Variants in HMMR observed in about 807,000 individuals in gnomAD.
HMMR encodes the protein intracellular hyaluronic acid-binding protein.
A neutral mutation model predicts 101.0 loss-of-function variants in HMMR; 108 were observed. The ratio of observed to expected loss-of-function variants is 1.07; its 90% CI spans 0.92 to 1.25. The LOEUF (loss-of-function observed/expected upper bound fraction) is 1.25. Among genes scored for constraint, HMMR ranks in the 50% most tolerant of loss-of-function variants. The probability of loss-of-function intolerance (pLI) is 0.00; values close to 1 mark genes in which losing one functional copy is unlikely to be tolerated. For missense variants in HMMR, 813 were observed against 788.7 expected (o/e 1.03, Z -0.37); for synonymous variants, 296 against 276.4 (o/e 1.07, Z -0.70).
At chr5:163,478,497 G>C (rs1759142350) in intron 11 of HMMR, among the ~76,000 whole-genome samples, 187 bp from the exon 12 acceptor site, 1 of 152,164 alleles carries the variant, frequency 6.6e-6, no homozygotes, top group African/African-American at 2.4e-5. Context: ...GTTGAAGCTA[G>C]TAGAAAAATG....
rs1318429737 is a variant in HMMR, at chr5:163,474,090, A to G, written c.938A>G (p.Glu313Gly). 1.2e-6 allele frequency: 2 copies of G among 1,611,750 alleles called. No individual in the cohort carries two copies. Among genetic ancestry groups the G allele is most frequent in the African/African-American group, 1.3e-5 (1 of 74,976 alleles). Residue 313 changes from glutamate to glycine, a missense_variant, in exon 10 of 18, where the codon GAA becomes GGA. Physicochemically the swap from Glu to Gly is moderately conservative, Grantham distance 98. Transcript: ENST00000393915. ...DHVNRNREHN[E>G]NLNAEMQNLK... Reference sequence around the variant, plus strand: ...GTCAACAGGAATAGAGAACACAACGAAAATCTAAATGCAGAGATGCAAAAC... The same window carrying G: ...GTCAACAGGAATAGAGAACACAACGGAAATCTAAATGCAGAGATGCAAAAC...
At chr5:163,478,347 T>G (rs1759136204) in intron 11 of HMMR, among the ~76,000 whole-genome samples, 1 of 152,216 alleles carries the variant, frequency 6.6e-6, no homozygotes, top group Admixed American at 6.5e-5. Flanking sequence ...TGAAACTTTA[T>G]TCAATCCAGA....
chr5:163,482,997 A>T (rs751188732), intron 13 of HMMR, 23 bp from the exon 14 acceptor site: 2 of 1,557,216 alleles, frequency 1.3e-6, no homozygotes, highest in South Asian at 2.5e-5. Flanking sequence ...ATGTTTAGTG[A>T]CCTCTTCTCT....
intron 11 of HMMR, among the ~76,000 whole-genome samples, chr5:163,476,356 A>G (rs891226198): frequency 1.3e-5 from 2 of 152,148 alleles, no homozygotes; most frequent in African/African-American, 4.8e-5. Flanking sequence ...GGGGGAAAAA[A>G]ATAAAGAATC....
chr5:163,479,359 A>G (rs1759180312), intron 12 of HMMR, among the ~76,000 whole-genome samples: 1 of 152,136 alleles, frequency 6.6e-6, no homozygotes, highest in South Asian at 2.1e-4. Flanking sequence ...AAACATGTTA[A>G]TGTACATCTG....
intron 12 of HMMR, among the ~76,000 whole-genome samples, chr5:163,482,282 AC>A (rs1759295445): frequency 6.6e-6 from 1 of 152,040 alleles, no homozygotes; most frequent in Non-Finnish European, 1.5e-5. Context: ...TGCGGTGATG[AC>A]CCTCATGCCA....
chr5:163,487,389 TG>T (rs1200806517), intron 16 of HMMR, among the ~76,000 whole-genome samples: 3 of 152,176 alleles, frequency 2.0e-5, no homozygotes, highest in African/African-American at 7.2e-5. Flanking sequence ...GCTTTGTTTT[TG>T]TTTTTTTAAT....
At chr5:163,470,981 G>A (rs141166765) in intron 5 of HMMR, among the ~76,000 whole-genome samples, 13 of 152,148 alleles carry the variant, frequency 8.5e-5, no homozygotes, top group African/African-American at 1.7e-4. Flanking sequence ...ACAGCGGAGC[G>A]AGACTTGATC....
In HMMR at chr5:163,491,194, C is replaced by G; in HGVS notation, c.*30C>G. ...CTGAGAAACCTGTTGAAGATTATTTCATTCGTCTTGTTGTTATTGATGTTG... is the reference window on the plus strand; with the variant it reads ...CTGAGAAACCTGTTGAAGATTATTTGATTCGTCTTGTTGTTATTGATGTTG... On this transcript the variant is annotated 3_prime_UTR_variant, in exon 18 of 18. Coordinates refer to ENST00000393915, the MANE Select transcript of HMMR (RefSeq NM_001142556.2). 7.7e-7 allele frequency: 1 copy of G among 1,292,628 alleles called. No individual in the cohort carries two copies. The highest frequency in any genetic ancestry group is 1.3e-5 in the South Asian group (1 of 75,600). 80.1% of individuals were successfully genotyped at this position (1,292,628 alleles called of 1,614,324 possible).
chr5:163,474,331 G>A (rs111891464), intron 10 of HMMR, 126 bp downstream of exon 10: 2 of 710,550 alleles, frequency 2.8e-6, no homozygotes, highest in East Asian at 2.8e-5. Context: ...CTTATCCTGA[G>A]GACATAATCA....
chr5:163,471,611 C>G lies in HMMR; in HGVS notation c.650+148C>G, dbSNP rs552742747. On this transcript the variant is annotated intron_variant, in intron 7 of 17. Coordinates refer to ENST00000393915, the MANE Select transcript of HMMR (RefSeq NM_001142556.2). ...CAGTTGCCCTATTTCTCTTTTTAAA[C>G]TAGAATGAGCCCTAATCATTCTCAA... is the stretch of plus-strand genomic sequence containing the variant. 5.1e-6 allele frequency: 3 copies of G among 592,856 alleles called. No homozygotes were observed. In the African/African-American group the frequency reaches 5.6e-5, roughly 11 times the overall value. 36.7% of individuals were successfully genotyped at this position (592,856 alleles called of 1,614,324 possible). A position where few individuals can be genotyped will look rare whatever the true frequency, so the allele number is the denominator to read the frequency against.
chr5:163,466,534 T>G (rs1758713756), intron 3 of HMMR, among the ~76,000 whole-genome samples: 1 of 152,174 alleles, frequency 6.6e-6, no homozygotes, highest in African/African-American at 2.4e-5. Flanking sequence ...CTCGATTTTG[T>G]TAGTGGAACG....
intron 17 of HMMR, among the ~76,000 whole-genome samples, chr5:163,490,778 C>T (rs966027571): frequency 6.6e-6 from 1 of 152,180 alleles, no homozygotes; most frequent in Non-Finnish European, 1.5e-5. Flanking sequence ...CTCAAATCTT[C>T]CTTGAAGCTT....
intron 16 of HMMR, among the ~76,000 whole-genome samples, chr5:163,487,205 C>T (rs908285183): frequency 2.0e-5 from 3 of 152,116 alleles, no homozygotes; most frequent in Non-Finnish European, 4.4e-5. Flanking sequence ...TTGAGATTAT[C>T]ATGTAATTTT....
At chr5:163,486,554 C>A (rs1199111078) in intron 16 of HMMR, among the ~76,000 whole-genome samples, 3 of 152,094 alleles carry the variant, frequency 2.0e-5, no homozygotes, top group Non-Finnish European at 1.5e-5. Context: ...TAGATCATGT[C>A]TTTTGCAAAT....
At chr5:163,469,968 G>C (rs1281540539) in intron 5 of HMMR, 139 bp downstream of exon 5, 1 of 540,828 alleles carries the variant, frequency 1.8e-6, no homozygotes, top group East Asian at 3.3e-5. Context: ...GGGAGTTCGA[G>C]ACCAGCCTGA....
At chr5:163,479,733 G>A (rs1759194323) in intron 12 of HMMR, among the ~76,000 whole-genome samples, 2 of 152,074 alleles carry the variant, frequency 1.3e-5, no homozygotes, top group South Asian at 2.1e-4. Flanking sequence ...TCCTTTTGTA[G>A]CTGTCTCACA....
chr5:163,473,753 T>C (rs1758976769), intron 9 of HMMR, among the ~76,000 whole-genome samples, 196 bp downstream of exon 9: 1 of 152,104 alleles, frequency 6.6e-6, no homozygotes, highest in Admixed American at 6.5e-5. Context: ...ATGTTTGTTT[T>C]CTGTTTATTT....
In HMMR at chr5:163,491,764, C is replaced by T. The variant is rs1254976827; in HGVS notation, c.*600C>T. ...ATAATCTGTGGATTGGCCTTTAAGCCTGCATTCTTAACAAACTCTTCAGTT... is the reference window on the plus strand; with the variant it reads ...ATAATCTGTGGATTGGCCTTTAAGCTTGCATTCTTAACAAACTCTTCAGTT... On this transcript the variant is annotated 3_prime_UTR_variant, in exon 18 of 18. Coordinates refer to ENST00000393915, the MANE Select transcript of HMMR (RefSeq NM_001142556.2). 6.6e-6 allele frequency: 1 copy of T among 152,298 alleles called. No homozygotes were observed. Among genetic ancestry groups the T allele is most frequent in the South Asian group, 2.1e-4 (1 of 4,832 alleles). The allele number at this position is 152,298 out of a possible 1,614,324, so 9.4% of individuals were successfully genotyped here. A position where few individuals can be genotyped will look rare whatever the true frequency, so the allele number is the denominator to read the frequency against.
Sources: allele counts gnomAD v4.1 joint callset (sites outside exome capture counted in the v4.1 genomes callset), GRCh38; gene constraint gnomAD v4.1.1; transcripts MANE v1.5; gene names NCBI Gene and HGNC (gene_info 2026-07-23, HGNC 2026-07-21).